Variants in ZNF91 observed in about 807,000 individuals in gnomAD.
ZNF91 encodes zinc finger protein 91 (HPF7, HTF10).
ZNF91 carries 7 observed loss-of-function variants against 12.6 expected under a neutral mutation model. The ratio of observed to expected loss-of-function variants is 0.55; its 90% confidence interval spans 0.31 to 1.04. The LOEUF is 1.04. ZNF91 is among the 50% of genes least tolerant of loss of function. The pLI, the probability that ZNF91 is intolerant of heterozygous loss-of-function variation, is 0.05. For synonymous variants in ZNF91, 453 were observed against 462.6 expected (o/e 0.98, Z 0.27); for missense variants, 1,217 against 1,385.4 (o/e 0.88, Z 1.93).
chr19:23,362,149 C>G lies in ZNF91; in HGVS notation c.830G>C (p.Trp277Ser), dbSNP rs766011834. Residue 277 changes from tryptophan (W) to serine (S), a missense_variant, in exon 4 of 4, where the codon TGG (tryptophan) becomes TCG (serine). Physicochemically the swap from Trp to Ser is radical, Grantham distance 177. This residue lies in a region of ZNF91 where 726 missense variants were observed against 895.5 expected (regional missense o/e 0.81). Coordinates refer to ENST00000300619, the MANE Select transcript of ZNF91 (RefSeq NM_003430.4). ...CTTATGTCTAGTTAGGGTTGAGGAC[C>G]ATAGAAATGCTTTGCCACATTCTTC... ...KCEECGKAFL[W>S]SSTLTRHKRI... 13 of 1,613,744 alleles carry G rather than the reference C, an allele frequency of 8.1e-6. No homozygotes were observed. In the East Asian group the frequency reaches 2.7e-4, roughly 33 times the overall value.
intron 3 of ZNF91, among the ~76,000 whole-genome samples, chr19:23,306,629 T>G (rs981389021): frequency 9.9e-5 from 15 of 152,200 alleles, no homozygotes; most frequent in African/African-American, 3.6e-4. Flanking sequence ...ACCCGAGTTA[T>G]ATAACTCTTG....
Position 23,361,057 on chromosome 19 carries a change from T to C in ZNF91, c.1922A>G (p.His641Arg), listed in dbSNP as rs754723734. 1.1e-5 allele frequency: 18 copies of C among 1,603,112 alleles called. No individual in the cohort carries two copies. The highest frequency in any genetic ancestry group is 9.0e-5 in the East Asian group (4 of 44,652). Residue 641 changes from histidine (H) to arginine (R), a missense_variant, in exon 4 of 4, where the codon CAT becomes CGT. Physicochemically the swap from His to Arg is conservative, Grantham distance 29 (BLOSUM62 0). Transcript: ENST00000300619. ...KCEECGKAFS[H>R]SSALAKHKRI... ...CTTATGTTTAGCAAGGGCTGAAGAA[T>C]GGCTAAAAGCTTTGCCACATTCTTC... is the stretch of plus-strand genomic sequence containing the variant.
chr19:23,395,252 C>G, intron 1 of ZNF91, 73 bp downstream of exon 1: 1 of 1,573,740 alleles, frequency 6.4e-7, no homozygotes, highest in Non-Finnish European at 8.7e-7. Context: ...GCCTGAGGCT[C>G]GCCACAGCCG....
intron 1 of ZNF91, among the ~76,000 whole-genome samples, chr19:23,381,694 A>G: frequency 6.6e-6 from 1 of 152,160 alleles, no homozygotes; most frequent in East Asian, 1.9e-4. Flanking sequence ...TCCCAACCTC[A>G]GGTGATCCGC....
chr19:23,331,885 T>C (rs1967934381), intron 1 of ZNF91, among the ~76,000 whole-genome samples: 1 of 152,224 alleles, frequency 6.6e-6, no homozygotes, highest in African/African-American at 2.4e-5. Flanking sequence ...TTGTAAGGGC[T>C]CATTTGCCCA....
At chr19:23,322,005 T>G (rs1415368183) in intron 1 of ZNF91, among the ~76,000 whole-genome samples, 1 of 152,224 alleles carries the variant, frequency 6.6e-6, no homozygotes, top group Admixed American at 6.5e-5. Flanking sequence ...CCATAGGGGA[T>G]GTTGTAACAT....
At chr19:23,368,800 C>T (rs1027388775) in intron 3 of ZNF91, among the ~76,000 whole-genome samples, 2 of 150,862 alleles carry the variant, frequency 1.3e-5, no homozygotes, top group Non-Finnish European at 2.9e-5. Flanking sequence ...ACTTTTAAAA[C>T]GGAACAATAA....
rs139209888 is a variant in ZNF91, at chr19:23,346,762, C to T, written c.254-7708G>A. ...CTGAACATTGACGGCAGCTGCTGTC[C>T]TTGCCCTTGAAAGCCTAAACTATCT... On this transcript the variant is annotated intron_variant, in intron 3 of 3. Coordinates refer to the ZNF91 transcript ENST00000599743. 6.4e-4 allele frequency among the ~76,000 whole-genome samples: 98 copies of T among 152,290 alleles called. No individual in the cohort carries two copies. The East Asian group carries it at 9.5e-3, about 15-fold the overall frequency.
chr19:23,375,424 G>T (rs923369649), intron 1 of ZNF91, among the ~76,000 whole-genome samples: 1 of 152,082 alleles, frequency 6.6e-6, no homozygotes, highest in African/African-American at 2.4e-5. Context: ...CTCCCAAAGT[G>T]CTGGGATTAC....
At position 23,394,198 on chromosome 19, in the gene ZNF91, T is replaced by C. The variant is rs1408899659; in HGVS notation, c.30+1127A>G. Among the ~76,000 whole-genome samples, 4 of 151,954 alleles carry C rather than the reference T, an allele frequency of 2.6e-5. 1 individual carries two copies. The South Asian group carries it at 6.2e-4, about 24-fold the overall frequency. On this transcript the variant is annotated intron_variant, in intron 1 of 3. Transcript: ENST00000300619. The stretch of plus-strand genomic sequence containing the variant: ...GACTTGAGGCCCTGCTTGAGACACA[T>C]GTAAAAAATTCAGGGAAAAATCGTC...
At chr19:23,316,126 G>A (rs1967552892) in intron 1 of ZNF91, among the ~76,000 whole-genome samples, 1 of 151,370 alleles carries the variant, frequency 6.6e-6, no homozygotes, top group African/African-American at 2.4e-5. Context: ...CAAATAAGAA[G>A]ATTGTGACAT....
At chr19:23,327,758 T>G (rs1363525978) in intron 1 of ZNF91, 2 of 152,198 alleles carry the variant, frequency 1.3e-5, no homozygotes, top group African/African-American at 4.8e-5. Context: ...TGGTTTATAA[T>G]GGTTTAATTA....
At chr19:23,374,983 T>C (rs1007685707) in intron 1 of ZNF91, among the ~76,000 whole-genome samples, 1 of 152,230 alleles carries the variant, frequency 6.6e-6, no homozygotes, top group African/African-American at 2.4e-5. Context: ...TCAGTGTATA[T>C]ATGATACTTG....
At chr19:23,347,053 T>C (rs1968247975) in intron 3 of ZNF91, among the ~76,000 whole-genome samples, 1 of 152,034 alleles carries the variant, frequency 6.6e-6, no homozygotes, top group Non-Finnish European at 1.5e-5. Flanking sequence ...TTACTTGGTT[T>C]GTAGATGGCA....
intron 3 of ZNF91, among the ~76,000 whole-genome samples, chr19:23,369,576 T>C (rs1220875480): frequency 6.6e-6 from 1 of 152,062 alleles, no homozygotes; most frequent in Non-Finnish European, 1.5e-5. Context: ...GGGGGAAATG[T>C]GGGGAAAAGA....
chr19:23,333,793 T>C (rs921810561), downstream of ZNF91, among the ~76,000 whole-genome samples: 22 of 152,236 alleles, frequency 1.4e-4, no homozygotes, highest in African/African-American at 4.1e-4. Flanking sequence ...CATTGTTATA[T>C]TTCTCATGAC....
intron 1 of ZNF91, among the ~76,000 whole-genome samples, chr19:23,392,396 CAAAAAAAAAAAA>C (rs71163502): frequency 0.048 from 3,401 of 70,450 alleles, 65 homozygotes; most frequent in Middle Eastern, 0.099. Flanking sequence ...AACTCCATCT[CAAAAAAAAAAAA>C]AAAAAGAAAA....
chr19:23,363,523 T>C (rs951692390), intron 3 of ZNF91, among the ~76,000 whole-genome samples: 5 of 152,224 alleles, frequency 3.3e-5, no homozygotes, highest in Non-Finnish European at 7.3e-5. Context: ...AAGAACATAT[T>C]TGAGAAATTC....
At chr19:23,365,132 G>C (rs1390910104) in intron 3 of ZNF91, among the ~76,000 whole-genome samples, 1 of 150,678 alleles carries the variant, frequency 6.6e-6, no homozygotes, top group African/African-American at 2.4e-5. Flanking sequence ...GAGATTACTT[G>C]AAAATAAAAA....
Sources: allele counts gnomAD v4.1 joint callset (sites outside exome capture counted in the v4.1 genomes callset), GRCh38; gene constraint gnomAD v4.1.1; regional missense constraint gnomAD v4.1.1; transcripts MANE v1.5; gene names NCBI Gene and HGNC (gene_info 2026-07-23, HGNC 2026-07-21).